PLEKHG3: variants seen among roughly 807,000 people sequenced by gnomAD.
The protein encoded by PLEKHG3 is pleckstrin homology domain-containing family G member 3.
PLEKHG3 carries 62 observed loss-of-function variants against 94.9 expected under a neutral mutation model. That is an observed-to-expected ratio of 0.65 (90% CI 0.53 to 0.81). PLEKHG3 has a LOEUF of 0.81. Among genes scored for constraint, PLEKHG3 ranks in the 30% least tolerant of loss-of-function variants. PLEKHG3 has a pLI of 0.00. For synonymous variants in PLEKHG3, 614 were observed against 654.0 expected (o/e 0.94, Z 0.93); for missense variants, 1,461 against 1,619.3 (o/e 0.90, Z 1.68).
At chr14:64,719,581 G>C (rs2081228352) in intron 1 of PLEKHG3, among the ~76,000 whole-genome samples, 1 of 152,026 alleles carries the variant, frequency 6.6e-6, no homozygotes, top group African/African-American at 2.4e-5. Flanking sequence ...CTGTGGATGA[G>C]TTTACTGCAT....
Position 64,750,058 on chromosome 14 carries a change from C to T in PLEKHG3, c.*6355C>T, listed in dbSNP as rs747133621. The T allele has an allele frequency of 9.3e-6, 15 of 1,614,054 alleles. No individual in the cohort carries two copies. Among genetic ancestry groups the T allele is most frequent in the Non-Finnish European group, 1.3e-5 (15 of 1,180,032 alleles). On this transcript the variant is annotated 3_prime_UTR_variant, in exon 17 of 17. Transcript: ENST00000247226. ...TGGCATGTCTCAGGGCCAGGGGTTCCTCCCCATGGTAGGGCATCCCCAGGG... is the reference window on the plus strand; with the variant it reads ...TGGCATGTCTCAGGGCCAGGGGTTCTTCCCCATGGTAGGGCATCCCCAGGG...
At position 64,750,070 on chromosome 14, in the gene PLEKHG3, G is replaced by A; in HGVS notation, c.*6367G>A. The A allele has an allele frequency of 6.2e-7, 1 of 1,614,184 alleles. No individual in the cohort carries two copies. Among genetic ancestry groups the A allele is most frequent in the South Asian group, 1.1e-5 (1 of 91,082 alleles). ...GGGCCAGGGGTTCCTCCCCATGGTA[G>A]GGCATCCCCAGGGCCAGGTTCTTGG... is the stretch of plus-strand genomic sequence containing the variant. On this transcript the variant is annotated 3_prime_UTR_variant, in exon 17 of 17. Coordinates refer to ENST00000247226, the MANE Select transcript of PLEKHG3 (RefSeq NM_001308147.2).
chr14:64,707,208 A>C (rs2080985745), intron 1 of PLEKHG3, among the ~76,000 whole-genome samples: 1 of 152,198 alleles, frequency 6.6e-6, no homozygotes, highest in Admixed American at 6.5e-5. Context: ...CACAACTGCC[A>C]GGAGGAAGGG....
In PLEKHG3 at chr14:64,747,131, T is replaced by TA. The variant is rs1426856597; in HGVS notation, c.*3428_*3429insA. ...ATGCTAGCTCTTCCACTAGAGCCCT[T>TA]CCTTTCTCGGGTCTGTGGAGTTGCT... On this transcript the variant is annotated 3_prime_UTR_variant, in exon 17 of 17. Coordinates refer to ENST00000247226, the MANE Select transcript of PLEKHG3 (RefSeq NM_001308147.2). 6.6e-6 allele frequency: 1 copy of TA among 152,512 alleles called. No homozygotes were observed. Among genetic ancestry groups the TA allele is most frequent in the African/African-American group, 2.4e-5 (1 of 41,438 alleles). 9.4% of individuals were successfully genotyped at this position (152,512 alleles called of 1,614,324 possible).
At chr14:64,705,703 G>C (rs939763112) in intron 1 of PLEKHG3, among the ~76,000 whole-genome samples, 3 of 152,214 alleles carry the variant, frequency 2.0e-5, no homozygotes, top group Admixed American at 2.0e-4. Flanking sequence ...AGTCCGGAGC[G>C]GGGGAGGGCC....
In PLEKHG3 at chr14:64,727,007, A is replaced by T. The variant is rs533407700; in HGVS notation, c.-39-586A>T. 6.6e-5 allele frequency among the ~76,000 whole-genome samples: 10 copies of T among 152,308 alleles called. No individual in the cohort carries two copies. The highest frequency in any genetic ancestry group is 2.2e-4 in the African/African-American group (9 of 41,548). On this transcript the variant is annotated intron_variant, in intron 1 of 16. Coordinates refer to ENST00000247226, the MANE Select transcript of PLEKHG3 (RefSeq NM_001308147.2). The surrounding 1 kb of genome is among the most constrained non-coding windows in gnomAD (Gnocchi z 6.0). The stretch of plus-strand genomic sequence containing the variant: ...GGGGGCACTTGGGAAGTTCTTCTTC[A>T]CAACTGCCATTATTATCACCATATT...
At position 64,725,240 on chromosome 14, in the gene PLEKHG3, T is replaced by G. The variant is rs1370859182; in HGVS notation, c.-39-2353T>G. 1.3e-5 allele frequency among the ~76,000 whole-genome samples: 2 copies of G among 152,182 alleles called. No individual in the cohort carries two copies. Among genetic ancestry groups the G allele is most frequent in the African/African-American group, 4.8e-5 (2 of 41,444 alleles). On this transcript the variant is annotated intron_variant, in intron 1 of 16. Coordinates refer to ENST00000247226, the MANE Select transcript of PLEKHG3 (RefSeq NM_001308147.2). This position sits in a 1 kb window ranked among gnomAD's most constrained non-coding sequence, Gnocchi z 5.0. ...TGAGTAATCTTTTGCTTTAAGACTG[T>G]GAACTGGCTGGCTGTGAAATCCATT...
intron 12 of PLEKHG3, among the ~76,000 whole-genome samples, chr14:64,734,450 T>G (rs1312522987): frequency 1.3e-5 from 2 of 152,204 alleles, no homozygotes; most frequent in Non-Finnish European, 2.9e-5. Flanking sequence ...TAGCTATGGA[T>G]GTACAACTCT....
In PLEKHG3 at chr14:64,731,252, G is replaced by A. The variant is rs1440552971; in HGVS notation, c.849+83G>A. 12 of 1,453,936 alleles carry A rather than the reference G, an allele frequency of 8.3e-6. No homozygotes were observed. The highest frequency in any genetic ancestry group is 1.1e-5 in the Non-Finnish European group (12 of 1,047,924). 90.1% of individuals were successfully genotyped at this position (1,453,936 alleles called of 1,614,324 possible). Reference sequence around the variant, plus strand: ...TGGGAAGAGGGACTGTGGCCACCCTGCTGGGATGAGCTGGGCAGTGGCATT... The same window carrying A: ...TGGGAAGAGGGACTGTGGCCACCCTACTGGGATGAGCTGGGCAGTGGCATT... On this transcript the variant is annotated intron_variant, in intron 7 of 16. Coordinates refer to ENST00000247226, the MANE Select transcript of PLEKHG3 (RefSeq NM_001308147.2). This position sits in a 1 kb window ranked among gnomAD's most constrained non-coding sequence, Gnocchi z 6.1.
Position 64,743,082 on chromosome 14 carries a change from G to A in PLEKHG3, c.3039G>A (p.Gln1013=), listed in dbSNP as rs1418762973. The part of the protein sequence containing the change: ...KPSSAGEMSP[Q]RFFFNPSAVS... ...CCTCGGCTGGGGAGATGTCACCACA[G>A]CGTTTCTTCTTCAACCCGTCTGCTG... Residue 1013 remains glutamine (Q), a synonymous_variant, in exon 17 of 17, where the codon CAG becomes CAA. Transcript: ENST00000247226. This position sits in a 1 kb window ranked among gnomAD's most constrained non-coding sequence, Gnocchi z 7.2. 6.2e-7 allele frequency: 1 copy of A among 1,613,194 alleles called. No individual in the cohort carries two copies. Among genetic ancestry groups the A allele is most frequent in the South Asian group, 1.1e-5 (1 of 91,084 alleles).
chr14:64,736,362 C>T (rs764510504), intron 12 of PLEKHG3, among the ~76,000 whole-genome samples: 3 of 152,246 alleles, frequency 2.0e-5, no homozygotes, highest in African/African-American at 7.2e-5. Context: ...CCTTAAGGGC[C>T]GTAGAAAGTC....
At position 64,743,688 on chromosome 14, in the gene PLEKHG3, G is replaced by T. The variant is rs143809717; in HGVS notation, c.3645G>T (p.Leu1215Phe). 1.7e-4 allele frequency: 260 copies of T among 1,561,210 alleles called. No individual in the cohort carries two copies. Among genetic ancestry groups the T allele is most frequent in the Non-Finnish European group, 2.1e-4 (242 of 1,155,610 alleles). Residue 1215 changes from leucine (L) to phenylalanine (F), a missense_variant, in exon 17 of 17, where the codon TTG (leucine) becomes TTT (phenylalanine). This residue lies in a region of PLEKHG3 where 1,201 missense variants were observed against 1,295.5 expected (regional missense o/e 0.93). Coordinates refer to ENST00000247226, the MANE Select transcript of PLEKHG3 (RefSeq NM_001308147.2). This position sits in a 1 kb window ranked among gnomAD's most constrained non-coding sequence, Gnocchi z 7.2. ...VRNLREKFQA[L>F]NSVG The stretch of plus-strand genomic sequence containing the variant: ...ACCTTAGAGAGAAGTTCCAGGCCTT[G>T]AACTCTGTCGGTTGATGCTGACTCC...
At position 64,738,874 on chromosome 14, in the gene PLEKHG3, G is replaced by A. The variant is rs987408399; in HGVS notation, c.1518+19G>A. On this transcript the variant is annotated intron_variant, in intron 15 of 16. Coordinates refer to ENST00000247226, the MANE Select transcript of PLEKHG3 (RefSeq NM_001308147.2). This position sits in a 1 kb window ranked among gnomAD's most constrained non-coding sequence, Gnocchi z 4.8. ...GCCAGAGGTGAGCGACCAGCAGGTG[G>A]GATGGGGATAGTAGGAAGAACTTGG... 4 of 1,468,828 alleles carry A rather than the reference G, an allele frequency of 2.7e-6. No homozygotes were observed. Among genetic ancestry groups the A allele is most frequent in the Non-Finnish European group, 3.7e-6 (4 of 1,067,314 alleles). 91.0% of individuals were successfully genotyped at this position (1,468,828 alleles called of 1,614,324 possible).
rs941745505 is a variant in PLEKHG3 at position 64,746,979 on chromosome 14, A to C, written c.*3276A>C. 1.3e-5 allele frequency: 2 copies of C among 152,286 alleles called. No individual in the cohort carries two copies. Among genetic ancestry groups the C allele is most frequent in the African/African-American group, 4.8e-5 (2 of 41,300 alleles). 9.4% of individuals were successfully genotyped at this position (152,286 alleles called of 1,614,324 possible). ...GGGTCTCCCAAAGCTGGATGCCTGC[A>C]TTTTCAGTCTAGTTGGTCGAATGTC... On this transcript the variant is annotated 3_prime_UTR_variant, in exon 17 of 17. Transcript: ENST00000247226. The surrounding 1 kb of genome is among the most constrained non-coding windows in gnomAD (Gnocchi z 4.9).
In PLEKHG3 at chr14:64,747,939, A is replaced by T. The variant is rs2081873923; in HGVS notation, c.*4236A>T. 1 of 152,058 alleles carries T rather than the reference A, an allele frequency of 6.6e-6. No homozygotes were observed. Among genetic ancestry groups the T allele is most frequent in the African/African-American group, 2.4e-5 (1 of 41,354 alleles). 9.4% of individuals were successfully genotyped at this position (152,058 alleles called of 1,614,324 possible). A position where few individuals can be genotyped will look rare whatever the true frequency, so the allele number is the denominator to read the frequency against. On this transcript the variant is annotated 3_prime_UTR_variant, in exon 17 of 17. Transcript: ENST00000247226. ...AGCTTTCTCTTCCTCCAGAAGTATG[A>T]CCTGAGCAGCAAGGGGAAGGCCATT... is the stretch of plus-strand genomic sequence containing the variant.
Position 64,727,506 on chromosome 14 carries a change from A to ACCAGCCCCCCCC in PLEKHG3, c.-39-85_-39-84insAGCCCCCCCCCC. 2 of 297,222 alleles carry ACCAGCCCCCCCC rather than the reference A, an allele frequency of 6.7e-6. No homozygotes were observed. Among genetic ancestry groups the ACCAGCCCCCCCC allele is most frequent in the East Asian group, 6.9e-5 (1 of 14,458 alleles). The allele number at this position is 297,222 out of a possible 1,614,324, so 18.4% of individuals were successfully genotyped here. A position where few individuals can be genotyped will look rare whatever the true frequency, so the allele number is the denominator to read the frequency against. On this transcript the variant is annotated intron_variant, in intron 1 of 16. Transcript: ENST00000247226. The surrounding 1 kb of genome is among the most constrained non-coding windows in gnomAD (Gnocchi z 6.0). Reference sequence around the variant, plus strand: ...GCACTAAATAATACCTTCCCACCCCACCTGCCCCCACCCCTGGCAACCGTC... The same window carrying ACCAGCCCCCCCC: ...GCACTAAATAATACCTTCCCACCCCACCAGCCCCCCCCCCTGCCCCCACCCCTGGCAACCGTC...
rs2081764988 is a variant in PLEKHG3, at chr14:64,743,530, A to G, written c.3487A>G (p.Ser1163Gly). Residue 1163 changes from serine (S) to glycine (G), a missense_variant, in exon 17 of 17, where the codon AGT becomes GGT. By Grantham distance (56) the Ser-to-Gly change is moderately conservative. Coordinates refer to ENST00000247226, the MANE Select transcript of PLEKHG3 (RefSeq NM_001308147.2). The surrounding 1 kb of genome is among the most constrained non-coding windows in gnomAD (Gnocchi z 7.2). ...CCCCACTGCAGGGCTGGAGGAGAGC[A>G]GTGGCCAGGGACCAAGCTCACCGGT... ...PSPTAGLEES[S>G]GQGPSSPVAL... The G allele has an allele frequency of 1.2e-6, 2 of 1,613,048 alleles. No individual in the cohort carries two copies. Among genetic ancestry groups the G allele is most frequent in the Non-Finnish European group, 1.7e-6 (2 of 1,179,924 alleles).
chr14:64,730,319 A>G lies in PLEKHG3; in HGVS notation c.519+7A>G. 1 of 1,521,638 alleles carries G rather than the reference A, an allele frequency of 6.6e-7. No homozygotes were observed. Among genetic ancestry groups the G allele is most frequent in the Non-Finnish European group, 8.8e-7 (1 of 1,133,736 alleles). 94.3% of individuals were successfully genotyped at this position (1,521,638 alleles called of 1,614,324 possible). Reference sequence around the variant, plus strand: ...CAGCTGCTTTGTGGAAAGGGTAAGAAGGGCTGGGTCCTTGCCTCTGTCCTA... The same window carrying G: ...CAGCTGCTTTGTGGAAAGGGTAAGAGGGGCTGGGTCCTTGCCTCTGTCCTA... On this transcript the variant is annotated splice_region_variant and intron_variant, in intron 4 of 16. Transcript: ENST00000247226. This position sits in a 1 kb window ranked among gnomAD's most constrained non-coding sequence, Gnocchi z 5.4.
At chr14:64,737,908 G>T (rs531239954) in intron 14 of PLEKHG3, 1 of 1,213,402 alleles carries the variant, frequency 8.2e-7, no homozygotes. Flanking sequence ...CAGCCCTCCC[G>T]TACTCGGGGC....
Sources: gnomAD v4.1 joint callset for allele counts (sites outside exome capture counted in the v4.1 genomes callset) on GRCh38, gnomAD v4.1.1 for gene constraint, gnomAD v4.1.1 regional missense constraint, Gnocchi (gnomAD v3.1) non-coding constraint, MANE v1.5 for transcripts, NCBI Gene and HGNC (gene_info 2026-07-23, HGNC 2026-07-21) for gene names.